The following SNX29 variants were observed in gnomAD, a reference collection of about 807,000 sequenced individuals.
SNX29 encodes sorting nexin-29.
A neutral mutation model predicts 102.1 loss-of-function variants in SNX29; 78 were observed. The observed-to-expected ratio is 0.76, with a 90% CI of 0.64 to 0.92. The LOEUF (loss-of-function observed/expected upper bound fraction) is 0.92, where lower values mean the gene tolerates loss of function less well. Ranked by LOEUF, SNX29 falls within the 40% of genes least tolerant of loss-of-function variation. The pLI is 0.00. For missense variants in SNX29, 1,280 were observed against 1,061.7 expected, an observed-to-expected ratio of 1.21 and a Z score of -2.86; for synonymous variants, 580 against 414.5, an observed-to-expected ratio of 1.40 and a Z score of -4.85.
At chr16:12,377,091 C>G (rs1194701171) in intron 16 of SNX29, among the ~76,000 whole-genome samples, 2 of 152,136 alleles carry the variant, frequency 1.3e-5, no homozygotes, top group African/African-American at 4.8e-5. Flanking sequence ...GAAAGAATGG[C>G]CAGACTTTCT....
chr16:12,546,298 A>G (rs1038393836), intron 20 of SNX29: 1 of 152,228 alleles, frequency 6.6e-6, no homozygotes, highest in African/African-American at 2.4e-5. Flanking sequence ...TGATAAAGAC[A>G]TACCTGAGAC....
chr16:12,076,269 G>A (rs1238148149), intron 10 of SNX29, among the ~76,000 whole-genome samples: 1 of 151,822 alleles, frequency 6.6e-6, no homozygotes, highest in African/African-American at 2.4e-5. Flanking sequence ...GCTGTAGACT[G>A]GAGCTGTTCC....
intron 3 of SNX29, among the ~76,000 whole-genome samples, chr16:12,018,444 G>C (rs1204269016): frequency 6.6e-6 from 1 of 151,230 alleles, no homozygotes; most frequent in Non-Finnish European, 1.5e-5. Flanking sequence ...TCAGCCGGGC[G>C]TGGTGGTGGG....
intron 19 of SNX29, among the ~76,000 whole-genome samples, chr16:12,522,197 C>T (rs1183643746): frequency 5.9e-5 from 9 of 152,170 alleles, no homozygotes; most frequent in Non-Finnish European, 1.3e-4. Context: ...CTAAGTGTAT[C>T]GCAAATACTG....
intron 20 of SNX29, among the ~76,000 whole-genome samples, chr16:12,567,215 C>T (rs1241929140): frequency 6.6e-6 from 1 of 152,014 alleles, no homozygotes; most frequent in Non-Finnish European, 1.5e-5. Context: ...CTTTCTAAAC[C>T]ACAGATAAGG....
chr16:12,552,433 G>A (rs1012613921), intron 20 of SNX29, among the ~76,000 whole-genome samples: 11 of 152,274 alleles, frequency 7.2e-5, no homozygotes, highest in African/African-American at 2.4e-4. Context: ...CTTTTGGCTC[G>A]AGAGCTGGAG....
chr16:12,231,717 T>C (rs915778624), intron 14 of SNX29, among the ~76,000 whole-genome samples: 1 of 152,144 alleles, frequency 6.6e-6, no homozygotes, highest in Non-Finnish European at 1.5e-5. Context: ...GGTTTCCATA[T>C]TGCTCCCCAG....
At chr16:12,481,513 GACACACACACACACACACACAC>G (rs59650769) in intron 19 of SNX29, among the ~76,000 whole-genome samples, 2 of 125,574 alleles carry the variant, frequency 1.6e-5, no homozygotes, top group Non-Finnish European at 3.4e-5. Flanking sequence ...TATACATATA[GACACACACACACACACACACAC>G]ACACACACAC....
In SNX29 at chr16:12,568,813, G is replaced by A. The variant is rs183274720; in HGVS notation, c.*184G>A. On this transcript the variant is annotated 3_prime_UTR_variant, in exon 21 of 21. Coordinates refer to ENST00000566228, the MANE Select transcript of SNX29 (RefSeq NM_032167.5). ...ATCAGTCTTCGAGCCGCATGATACC[G>A]TGACCCGAGAGACCAAGGCAGCACC... 1.1e-5 allele frequency: 11 copies of A among 965,174 alleles called. No homozygotes were observed. The highest frequency in any genetic ancestry group is 8.3e-5 in the African/African-American group (5 of 60,504). The allele number at this position is 965,174 out of a possible 1,614,324, so 59.8% of individuals were successfully genotyped here. A position where few individuals can be genotyped will look rare whatever the true frequency, so the allele number is the denominator to read the frequency against.
chr16:12,377,915 A>G (rs148586650), intron 16 of SNX29, among the ~76,000 whole-genome samples: 1 of 152,158 alleles, frequency 6.6e-6, no homozygotes, highest in African/African-American at 2.4e-5. Flanking sequence ...TTGGGTTTTC[A>G]TTTTCAGGCC....
At chr16:12,374,470 G>C (rs1456566424) in intron 16 of SNX29, 1 of 152,250 alleles carries the variant, frequency 6.6e-6, no homozygotes, top group Non-Finnish European at 1.5e-5. Flanking sequence ...TGTGGAGTAC[G>C]AGGCGTGTAG....
At chr16:12,082,564 A>G (rs757237707) in intron 11 of SNX29, among the ~76,000 whole-genome samples, 25 of 152,122 alleles carry the variant, frequency 1.6e-4, no homozygotes, top group Non-Finnish European at 3.2e-4. Context: ...GACTCAGACA[A>G]TTTTTTAGAA....
chr16:12,230,515 T>C (rs2077736619), intron 14 of SNX29, among the ~76,000 whole-genome samples: 1 of 152,234 alleles, frequency 6.6e-6, no homozygotes, highest in Non-Finnish European at 1.5e-5. Flanking sequence ...AATGAGTTCA[T>C]CGATCTTGCC....
chr16:11,979,275 C>CAAAAAAAAAAAAAAAAAAAAAAAAAAAAA (rs71139569), intron 1 of SNX29, among the ~76,000 whole-genome samples: 1 of 61,998 alleles, frequency 1.6e-5, no homozygotes, highest in Admixed American at 2.5e-4. Flanking sequence ...ACTCAGTCTC[C>CAAAAAAAAAAAAAAAAAAAAAAAAAAAAA]AAAAAAAAAA....
intron 18 of SNX29, among the ~76,000 whole-genome samples, chr16:12,471,241 C>T (rs1014101190): frequency 2.6e-5 from 4 of 152,184 alleles, no homozygotes; most frequent in Non-Finnish European, 4.4e-5. Context: ...CTTTTCCACC[C>T]GCTTATGGGA....
At chr16:12,382,616 A>G (rs2083208647) in intron 16 of SNX29, among the ~76,000 whole-genome samples, 1 of 152,238 alleles carries the variant, frequency 6.6e-6, no homozygotes, top group Admixed American at 6.5e-5. Context: ...GCTGTAACCA[A>G]TTACCATAAA....
In SNX29 at chr16:12,104,542, C is replaced by T. The variant is rs578100308; in HGVS notation, c.1403-22091C>T. ...CTGCACTCCAGCCTGGGTGACAGAG[C>T]GAGACTCCATCTCAAACAAACAAAC... is the stretch of plus-strand genomic sequence containing the variant. On this transcript the variant is annotated intron_variant, in intron 11 of 20. Transcript: ENST00000566228. 2.4e-4 allele frequency among the ~76,000 whole-genome samples: 37 copies of T among 151,704 alleles called. No homozygotes were observed. The South Asian group carries it at 6.9e-3, about 28-fold the overall frequency.
intron 20 of SNX29, among the ~76,000 whole-genome samples, chr16:12,547,899 A>G (rs2077710459): frequency 6.6e-6 from 1 of 152,140 alleles, no homozygotes; most frequent in South Asian, 2.1e-4. Context: ...AGGGCTGTAT[A>G]GGAGCTGCTC....
At chr16:12,498,653 C>T (rs1270567244) in intron 19 of SNX29, among the ~76,000 whole-genome samples, 2 of 152,210 alleles carry the variant, frequency 1.3e-5, no homozygotes, top group East Asian at 1.9e-4. Context: ...ACAGATAATG[C>T]ACACATAAGC....
Sources: gnomAD v4.1 joint callset for allele counts (sites outside exome capture counted in the v4.1 genomes callset) on GRCh38, gnomAD v4.1.1 for gene constraint, MANE v1.5 for transcripts, NCBI Gene and HGNC (gene_info 2026-07-23, HGNC 2026-07-21) for gene names.